NFATC4: variants seen among roughly 807,000 people sequenced by gnomAD.
The protein encoded by NFATC4 is nuclear factor of activated T cells 4, also known as nuclear factor of activated T-cells, cytoplasmic 4.
Under a neutral mutation model 73.4 loss-of-function variants are expected in NFATC4, and 25 were observed. That is an observed-to-expected ratio of 0.34 (90% confidence interval 0.25 to 0.48). NFATC4 has a LOEUF of 0.48. Ranked by LOEUF, NFATC4 falls within the 20% of genes least tolerant of loss-of-function variation. The probability of loss-of-function intolerance (pLI) is 0.99; values close to 1 mark genes in which losing one functional copy is unlikely to be tolerated. For synonymous variants in NFATC4, 523 were observed against 510.3 expected (o/e 1.02, Z -0.34); for missense variants, 1,130 against 1,203.7 (o/e 0.94, Z 0.91).
intron 3 of NFATC4, chr14:24,372,863 T>TG (rs1409216570): frequency 1.7e-6 from 1 of 604,692 alleles, no homozygotes; most frequent in Non-Finnish European, 2.9e-6. Flanking sequence ...CCGCCAGATA[T>TG]GGGGGAGGGT....
At chr14:24,367,885 T>A (rs1238401260), upstream of NFATC4, 3 of 1,343,268 alleles carry the variant, frequency 2.2e-6, no homozygotes, top group East Asian at 2.7e-5. Flanking sequence ...AACCTTGAAC[T>A]GAGACTAGGG....
In NFATC4 at chr14:24,372,504, G is replaced by T; in HGVS notation, c.1260G>T (p.Arg420Ser). 6.2e-7 allele frequency: 1 copy of T among 1,614,062 alleles called. No homozygotes were observed. The highest frequency in any genetic ancestry group is 1.1e-5 in the South Asian group (1 of 91,082). The change falls in exon 3 of 10, where the codon AGG becomes AGT. Residue 420 changes from arginine (R) to serine (S), a missense_variant. This residue lies in a region of NFATC4 where 585 missense variants were observed against 574.3 expected (regional missense o/e 1.02). Coordinates refer to ENST00000250373, the MANE Select transcript of NFATC4 (RefSeq NM_004554.5). ...GCCAATATGAGCAGCTGGAGCTGAG[G>T]ATCGAGGTACAGCCTAGAGCCCACC... Reference protein sequence around the residue: ...LPSQYEQLELRIEVQPRAHHR... With the variant: ...LPSQYEQLELSIEVQPRAHHR...
rs1053119316 is a variant in NFATC4, at chr14:24,378,684, T to A, written c.*979T>A. On this transcript the variant is annotated 3_prime_UTR_variant, in exon 10 of 10. Transcript: ENST00000250373. ...TCTGGAAAGATTTGTGCTTCAGAGG[T>A]AGACTGCAGAAAGCAAACAGTCTAC... 1.3e-5 allele frequency: 2 copies of A among 152,228 alleles called. No homozygotes were observed. Among genetic ancestry groups the A allele is most frequent in the African/African-American group, 4.8e-5 (2 of 41,440 alleles). The allele number at this position is 152,228 out of a possible 1,614,324, so 9.4% of individuals were successfully genotyped here.
At chr14:24,367,884 C>A (rs544346651), upstream of NFATC4, 15 of 1,348,994 alleles carry the variant, frequency 1.1e-5, no homozygotes, top group South Asian at 2.0e-5. Context: ...GAACCTTGAA[C>A]TGAGACTAGG....
At position 24,377,544 on chromosome 14, in the gene NFATC4, G is replaced by C. The variant is rs2042658485; in HGVS notation, c.2642-94G>C. 6.3e-7 allele frequency: 1 copy of C among 1,593,840 alleles called. No homozygotes were observed. Among genetic ancestry groups the C allele is most frequent in the African/African-American group, 1.3e-5 (1 of 74,420 alleles). ...AGAGGAGGAATCTAGAGGCCTCCTA[G>C]ATTAAGACCTGCCTGGAATGGATTG... On this transcript the variant is annotated intron_variant, in intron 9 of 9. Transcript: ENST00000250373. This position sits in a 1 kb window ranked among gnomAD's most constrained non-coding sequence, Gnocchi z 4.2.
rs2139272565 is a variant in NFATC4, at chr14:24,368,432, TG to T, written c.97del (p.Glu33LysfsTer61). 7.6e-7 allele frequency: 1 copy of T among 1,314,118 alleles called. No homozygotes were observed. The highest frequency in any genetic ancestry group is 9.7e-7 in the Non-Finnish European group (1 of 1,029,918). The allele number at this position is 1,314,118 out of a possible 1,614,324, so 81.4% of individuals were successfully genotyped here. A position where few individuals can be genotyped will look rare whatever the true frequency, so the allele number is the denominator to read the frequency against. ...GCCCCCCCGCTGGGCGCGGGGGGAT[TG>T]GGGGAAGGTTAGTGCTGGGCTGGGA... ...KEAPPLGAGG[L>X]GEELDSEDAP... On this transcript the variant is annotated frameshift_variant, in exon 1 of 10. Transcript: ENST00000250373. LOFTEE classifies it high-confidence loss of function.
rs1441944169 is a variant in NFATC4 at position 24,377,067 on chromosome 14, G to A, written c.2641+189G>A. 1 of 1,363,102 alleles carries A rather than the reference G, an allele frequency of 7.3e-7. No individual in the cohort carries two copies. Among genetic ancestry groups the A allele is most frequent in the Non-Finnish European group, 9.4e-7 (1 of 1,064,436 alleles). 84.4% of individuals were successfully genotyped at this position (1,363,102 alleles called of 1,614,324 possible). ...AATCCAATTAACTGAATTCTGAAGA[G>A]TGCATGGGGTAACTGTCTCAGCCTT... On this transcript the variant is annotated intron_variant, in intron 9 of 9. Coordinates refer to ENST00000250373, the MANE Select transcript of NFATC4 (RefSeq NM_004554.5). This position sits in a 1 kb window ranked among gnomAD's most constrained non-coding sequence, Gnocchi z 4.2.
In NFATC4 at chr14:24,376,068, C is replaced by A. The variant is rs749530059; in HGVS notation, c.2023C>A (p.Arg675Ser). 56 of 1,613,936 alleles carry A rather than the reference C, an allele frequency of 3.5e-5. No individual in the cohort carries two copies. The highest frequency in any genetic ancestry group is 4.7e-5 in the Non-Finnish European group (55 of 1,179,982). The part of the protein sequence containing the change: ...YFYVSNGRRK[R>S]SPTQSFRFLP... The stretch of plus-strand genomic sequence containing the variant: ...TTATGTCTCCAATGGGCGGAGGAAA[C>A]GCAGTCCTACCCAGAGTTTCAGGTT... The change falls in exon 8 of 10, where the codon CGC (arginine) becomes AGC (serine). Residue 675 changes from arginine to serine, a missense_variant. Around this residue, in one of 3 missense-constraint regions of NFATC4, gnomAD observed 390 missense variants for 408.1 expected, o/e 0.96. Coordinates refer to ENST00000250373, the MANE Select transcript of NFATC4 (RefSeq NM_004554.5). The surrounding 1 kb of genome is among the most constrained non-coding windows in gnomAD (Gnocchi z 5.0).
Position 24,376,629 on chromosome 14 carries a change from T to C in NFATC4, c.2392T>C (p.Ser798Pro). The C allele has an allele frequency of 1.9e-6, 3 of 1,613,628 alleles. No homozygotes were observed. The highest frequency in any genetic ancestry group is 1.7e-6 in the Non-Finnish European group (2 of 1,179,870). The change falls in exon 9 of 10, where the codon TCT becomes CCT. Residue 798 changes from serine (S) to proline (P), a missense_variant. Ser to Pro is a moderately conservative substitution (Grantham distance 74). Around this residue, in one of 3 missense-constraint regions of NFATC4, gnomAD observed 390 missense variants for 408.1 expected, o/e 0.96. Transcript: ENST00000250373. The surrounding 1 kb of genome is among the most constrained non-coding windows in gnomAD (Gnocchi z 5.0). ...PSDPYGGRGS[S>P]FSLGLPFSPP... is the part of the protein sequence containing the mutation. ...TGACCCGTATGGAGGGCGGGGCTCC[T>C]CTTTCTCCCTGGGGCTGCCATTCTC... is the stretch of plus-strand genomic sequence containing the variant.
intron 2 of NFATC4, chr14:24,371,976 G>A (rs892537539): frequency 1.3e-5 from 2 of 157,154 alleles, no homozygotes; most frequent in African/African-American, 2.4e-5. Flanking sequence ...GGGATTATAG[G>A]TGTGAGCCAA....
chr14:24,370,652 G>T (rs1485779331), intron 2 of NFATC4, 58 bp downstream of exon 2: 2 of 1,551,072 alleles, frequency 1.3e-6, no homozygotes, highest in South Asian at 2.4e-5. Flanking sequence ...GGGAGCAGGA[G>T]GGTCAAGGGA....
In NFATC4 at chr14:24,373,995, C is replaced by T. The variant is rs2042544597; in HGVS notation, c.1732+128C>T. The T allele has an allele frequency of 6.7e-6, 9 of 1,351,872 alleles. No homozygotes were observed. Among genetic ancestry groups the T allele is most frequent in the Non-Finnish European group, 8.3e-6 (8 of 966,602 alleles). The allele number at this position is 1,351,872 out of a possible 1,614,324, so 83.7% of individuals were successfully genotyped here. A position where few individuals can be genotyped will look rare whatever the true frequency, so the allele number is the denominator to read the frequency against. On this transcript the variant is annotated intron_variant, in intron 5 of 9. Transcript: ENST00000250373. The surrounding 1 kb of genome is among the most constrained non-coding windows in gnomAD (Gnocchi z 4.7). Reference sequence around the variant, plus strand: ...CTGTCCTGGGTAGCTCTATAGAGGACTCAGCTTCTTTCTATTCTAGTTTGC... The same window carrying T: ...CTGTCCTGGGTAGCTCTATAGAGGATTCAGCTTCTTTCTATTCTAGTTTGC...
chr14:24,373,521 T>C lies in NFATC4; in HGVS notation c.1559+151T>C. 7.3e-7 allele frequency: 1 copy of C among 1,364,168 alleles called. No individual in the cohort carries two copies. Among genetic ancestry groups the C allele is most frequent in the African/African-American group, 1.4e-5 (1 of 69,102 alleles). 84.5% of individuals were successfully genotyped at this position (1,364,168 alleles called of 1,614,324 possible). On this transcript the variant is annotated intron_variant, in intron 4 of 9. Coordinates refer to ENST00000250373, the MANE Select transcript of NFATC4 (RefSeq NM_004554.5). The surrounding 1 kb of genome is among the most constrained non-coding windows in gnomAD (Gnocchi z 4.7). The stretch of plus-strand genomic sequence containing the variant: ...GCCTACCCACCATCTGGAAGAGGAC[T>C]TTTGGGGTTGGGGGTACCCCAGAGA...
At chr14:24,372,324 A>T in intron 2 of NFATC4, 117 bp from the exon 3 acceptor site, 1 of 1,109,384 alleles carries the variant, frequency 9.0e-7, no homozygotes, top group Non-Finnish European at 1.3e-6. Context: ...GTACTTCTTT[A>T]TTTCTTCTGT....
Position 24,376,680 on chromosome 14 carries a change from C to G in NFATC4, c.2443C>G (p.Pro815Ala), listed in dbSNP as rs780889666. ...TCCGCCAGCCCCCTTTCGGCCGCCT[C>G]CTCTTCCTGCATCCCCACCGCTTGA... ...FSPPAPFRPP[P>A]LPASPPLEGP... The change falls in exon 9 of 10, where the codon CCT becomes GCT. Residue 815 changes from proline (P) to alanine (A), a missense_variant. Around this residue, in one of 3 missense-constraint regions of NFATC4, gnomAD observed 390 missense variants for 408.1 expected, o/e 0.96. Coordinates refer to ENST00000250373, the MANE Select transcript of NFATC4 (RefSeq NM_004554.5). The surrounding 1 kb of genome is among the most constrained non-coding windows in gnomAD (Gnocchi z 5.0). 5 of 1,613,718 alleles carry G rather than the reference C, an allele frequency of 3.1e-6. No individual in the cohort carries two copies. In the South Asian group the frequency reaches 3.3e-5, roughly 11 times the overall value.
chr14:24,375,834 T>G (rs2042599130), intron 7 of NFATC4, 119 bp downstream of exon 7: 1 of 1,532,890 alleles, frequency 6.5e-7, no homozygotes, highest in East Asian at 2.2e-5. Flanking sequence ...CTGGCCATTC[T>G]GTAAGCAGGT....
At position 24,376,543 on chromosome 14, in the gene NFATC4, G is replaced by C; in HGVS notation, c.2306G>C (p.Arg769Thr). Residue 769 changes from arginine (R) to threonine (T), a missense_variant, in exon 9 of 10, where the codon AGG (arginine) becomes ACG (threonine). Arg to Thr is a moderately conservative substitution (Grantham distance 71). Transcript: ENST00000250373. The surrounding 1 kb of genome is among the most constrained non-coding windows in gnomAD (Gnocchi z 5.0). The part of the protein sequence containing the change: ...RPGLRMFPET[R>T]GTTGCAQPPA... ...GGCCTGCGGATGTTCCCTGAGACTA[G>C]GGGTACCACAGGTTGTGCCCAACCA... is the stretch of plus-strand genomic sequence containing the variant. The C allele has an allele frequency of 6.2e-7, 1 of 1,614,020 alleles. No homozygotes were observed. The highest frequency in any genetic ancestry group is 2.2e-5 in the East Asian group (1 of 44,876).
rs1473594473 is a variant in NFATC4 at position 24,378,348 on chromosome 14, A to T, written c.*643A>T. 6.5e-6 allele frequency: 1 copy of T among 154,468 alleles called. No individual in the cohort carries two copies. The highest frequency in any genetic ancestry group is 2.4e-5 in the African/African-American group (1 of 41,458). 9.6% of individuals were successfully genotyped at this position (154,468 alleles called of 1,614,324 possible). On this transcript the variant is annotated 3_prime_UTR_variant, in exon 10 of 10. Transcript: ENST00000250373. ...GGAGGCTGCATTTTTCCAGGTCCTT[A>T]GTCTTGCCACCACACAGATGATTCT...
At chr14:24,367,380 T>C (rs1407067465), upstream of NFATC4, 2 of 1,535,694 alleles carry the variant, frequency 1.3e-6, no homozygotes, top group East Asian at 2.4e-5. Context: ...ACTACAGTTC[T>C]AGGGAGGAGG....
Sources: gnomAD v4.1 joint callset for allele counts on GRCh38, gnomAD v4.1.1 for gene constraint, gnomAD v4.1.1 regional missense constraint, Gnocchi (gnomAD v3.1) non-coding constraint, MANE v1.5 for transcripts, NCBI Gene and HGNC (gene_info 2026-07-23, HGNC 2026-07-21) for gene names.